NF2: variants seen among roughly 807,000 people sequenced by gnomAD.
NF2 encodes the protein merlin.
A neutral mutation model predicts 83.7 loss-of-function variants in NF2; 8 were observed. The ratio of observed to expected loss-of-function variants is 0.10; its 90% confidence interval spans 0.06 to 0.17. The LOEUF (loss-of-function observed/expected upper bound fraction) is 0.17, where lower values mean the gene tolerates loss of function less well. NF2 is among the 10% of genes least tolerant of loss of function. NF2 has a pLI of 1.00. For synonymous variants in NF2, 266 were observed against 269.6 expected, an observed-to-expected ratio of 0.99 and a Z score of 0.13; for missense variants, 533 against 744.4, an observed-to-expected ratio of 0.72 and a Z score of 3.31.
chr22:29,660,038 C>G (rs2066431419), intron 7 of NF2, among the ~76,000 whole-genome samples: 1 of 152,188 alleles, frequency 6.6e-6, no homozygotes, highest in South Asian at 2.1e-4. Context: ...ACCTGTTTTT[C>G]TGCCCTTGAG....
In NF2 at chr22:29,678,295, C is replaced by T. The variant is rs762588182; in HGVS notation, c.1546C>T (p.Arg516Trp). The T allele has an allele frequency of 3.7e-6, 6 of 1,614,030 alleles. No individual in the cohort carries two copies. Among genetic ancestry groups the T allele is most frequent in the Non-Finnish European group, 4.2e-6 (5 of 1,179,956 alleles). Residue 516 changes from arginine to tryptophan, a missense_variant, in exon 14 of 16, where the codon CGG becomes TGG. Around this residue, in one of 3 missense-constraint regions of NF2, gnomAD observed 199 missense variants for 240.7 expected, o/e 0.83. Transcript: ENST00000338641. Reference protein sequence around the residue: ...SFDFKDTDMKRLSMEIEKEKV... With the variant: ...SFDFKDTDMKWLSMEIEKEKV... ...CGACTTCAAAGATACTGACATGAAG[C>T]GGCTTTCCATGGAGATAGAGAAAGA... is the stretch of plus-strand genomic sequence containing the variant.
At chr22:29,663,453 T>C (rs1351708106) in intron 8 of NF2, among the ~76,000 whole-genome samples, 1 of 152,254 alleles carries the variant, frequency 6.6e-6, no homozygotes, top group Non-Finnish European at 1.5e-5. Flanking sequence ...TTGGTAGTTA[T>C]GCATGACAGC....
At chr22:29,665,811 CT>C (rs2066606535) in intron 9 of NF2, among the ~76,000 whole-genome samples, 1 of 151,666 alleles carries the variant, frequency 6.6e-6, no homozygotes, top group East Asian at 1.9e-4. Flanking sequence ...AGTCCCAATA[CT>C]GTTGAGACCC....
rs1247428319 is a variant in NF2 at position 29,654,681 on chromosome 22, C to T, written c.472C>T (p.His158Tyr). ...AKYGDYDPSV[H>Y]KRGFLAQEEL... ...GTATGGTGACTACGACCCCAGTGTT[C>T]ACAAGCGGGGATTTTTGGCCCAAGA... is the stretch of plus-strand genomic sequence containing the variant. The change falls in exon 5 of 16, where the codon CAC becomes TAC. Residue 158 changes from histidine (H) to tyrosine (Y), a missense_variant. Physicochemically the swap from His to Tyr is moderately conservative, Grantham distance 83 (BLOSUM62 2). Coordinates refer to ENST00000338641, the MANE Select transcript of NF2 (RefSeq NM_000268.4). The T allele has an allele frequency of 1.9e-6, 3 of 1,613,784 alleles. No individual in the cohort carries two copies. The East Asian group carries it at 6.7e-5, about 36-fold the overall frequency.
intron 3 of NF2, among the ~76,000 whole-genome samples, chr22:29,641,975 GAA>G (rs552656398): frequency 1.1e-3 from 174 of 152,286 alleles, no homozygotes; most frequent in African/African-American, 4.2e-3. Flanking sequence ...ATCATGAAGA[GAA>G]GAGATAAGGG....
At position 29,636,707 on chromosome 22, in the gene NF2, G is replaced by T; in HGVS notation, c.115-44G>T. ...AGTGCAGAGAAAAGGTTTTATTAAT[G>T]ATTTTTGCTCACAGTGTCCTTCCCC... On this transcript the variant is annotated intron_variant, in intron 1 of 15. Transcript: ENST00000338641. The surrounding 1 kb of genome is among the most constrained non-coding windows in gnomAD (Gnocchi z 4.4). The T allele has an allele frequency of 6.2e-7, 1 of 1,613,928 alleles. No homozygotes were observed. Among genetic ancestry groups the T allele is most frequent in the South Asian group, 1.1e-5 (1 of 91,070 alleles).
intron 1 of NF2, among the ~76,000 whole-genome samples, chr22:29,629,916 A>T (rs1389706292): frequency 1.3e-5 from 2 of 152,178 alleles, no homozygotes; most frequent in Non-Finnish European, 2.9e-5. Flanking sequence ...ATACCTAGGC[A>T]TTTCATATAT....
At chr22:29,674,982 G>A (rs1305964878) in intron 13 of NF2, 41 bp downstream of exon 13, 2 of 1,510,644 alleles carry the variant, frequency 1.3e-6, no homozygotes, top group African/African-American at 2.8e-5. Flanking sequence ...CTTAGTCCTG[G>A]TGATGTTCTC....
chr22:29,627,621 A>G (rs1601562156), intron 1 of NF2, among the ~76,000 whole-genome samples: 1 of 152,212 alleles, frequency 6.6e-6, no homozygotes, highest in Non-Finnish European at 1.5e-5. Flanking sequence ...AATCTAGGAT[A>G]CAGACCTCCC....
chr22:29,675,693 T>G (rs2066941306), intron 13 of NF2, among the ~76,000 whole-genome samples: 1 of 151,778 alleles, frequency 6.6e-6, no homozygotes, highest in Admixed American at 6.6e-5. Flanking sequence ...GTATTCAGGG[T>G]GAGGGCACAG....
At chr22:29,628,627 C>CTTTTTTTTTT (rs5844863) in intron 1 of NF2, among the ~76,000 whole-genome samples, 1 of 69,216 alleles carries the variant, frequency 1.4e-5, no homozygotes, top group African/African-American at 5.0e-5. Context: ...TTTGTGACAT[C>CTTTTTTTTTT]TTTTTTTTTT....
At chr22:29,680,303 G>C (rs2147117032) in intron 14 of NF2, among the ~76,000 whole-genome samples, 1 of 152,256 alleles carries the variant, frequency 6.6e-6, no homozygotes, top group South Asian at 2.1e-4. Context: ...GTAGAGATGG[G>C]GTTTCACCAT....
intron 1 of NF2, 45 bp downstream of exon 1, chr22:29,604,157 G>A (rs1490871894): frequency 9.0e-6 from 13 of 1,449,054 alleles, no homozygotes; most frequent in Middle Eastern, 1.7e-4. Context: ...AGTCGAGGTG[G>A]AAGCTCGAGA....
At position 29,668,446 on chromosome 22, in the gene NF2, G is replaced by A. The variant is rs1469191017; in HGVS notation, c.999G>A (p.Gln333=). Residue 333 remains glutamine (Q), a splice_region_variant and synonymous_variant, in exon 10 of 16, where the codon CAG becomes CAA. Transcript: ENST00000338641. The part of the protein sequence containing the change: ...AQAREEKARK[Q]MERQRLAREK... Reference sequence around the variant, plus strand: ...CCAGGGAGGAGAAGGCTAGAAAGCAGGTGAGCACAACCTTGTTTTAACTGA... The same window carrying A: ...CCAGGGAGGAGAAGGCTAGAAAGCAAGTGAGCACAACCTTGTTTTAACTGA... The A allele has an allele frequency of 2.5e-6, 4 of 1,610,842 alleles. No homozygotes were observed. In the East Asian group the frequency reaches 8.9e-5, roughly 36 times the overall value.
chr22:29,628,834 T>C (rs2065437048), intron 1 of NF2, among the ~76,000 whole-genome samples: 1 of 152,084 alleles, frequency 6.6e-6, no homozygotes, highest in African/African-American at 2.4e-5. Context: ...TTTCACCATG[T>C]TGGCCAGGCT....
chr22:29,653,767 C>T (rs2066221599), intron 4 of NF2, among the ~76,000 whole-genome samples: 2 of 152,088 alleles, frequency 1.3e-5, no homozygotes, highest in South Asian at 4.1e-4. Flanking sequence ...TTGTGCCTGA[C>T]CTTTGTTTTT....
chr22:29,617,693 A>T (rs970939240), intron 1 of NF2, among the ~76,000 whole-genome samples: 1 of 152,218 alleles, frequency 6.6e-6, no homozygotes, highest in Non-Finnish European at 1.5e-5. Context: ...TACATAAATG[A>T]CCTGGGGAAT....
rs552918403 is a variant in NF2 at position 29,688,372 on chromosome 22, C to A, written c.1738-6380C>A. 7.2e-5 allele frequency among the ~76,000 whole-genome samples: 11 copies of A among 152,350 alleles called. No individual in the cohort carries two copies. The East Asian group carries it at 2.1e-3, about 29-fold the overall frequency. ...TTGCTGCAACAGTGGGAGGGAAGAGCCAGATGCAAACTCGTTCTGCGAGCC... is the reference window on the plus strand; with the variant it reads ...TTGCTGCAACAGTGGGAGGGAAGAGACAGATGCAAACTCGTTCTGCGAGCC... On this transcript the variant is annotated intron_variant, in intron 15 of 15. Transcript: ENST00000338641.
chr22:29,678,090 T>C, intron 13 of NF2, 106 bp from the exon 14 acceptor site: 2 of 1,474,658 alleles, frequency 1.4e-6, no homozygotes. Context: ...GGGACCCGAG[T>C]TGTGCCCATT....
Sources: allele counts gnomAD v4.1 joint callset (sites outside exome capture counted in the v4.1 genomes callset), GRCh38; gene constraint gnomAD v4.1.1; regional missense constraint gnomAD v4.1.1; non-coding constraint Gnocchi (gnomAD v3.1); transcripts MANE v1.5; gene names NCBI Gene and HGNC (gene_info 2026-07-23, HGNC 2026-07-21).